FGF3: variants seen among roughly 807,000 people sequenced by gnomAD.
FGF3 encodes the protein fibroblast growth factor 3.
In FGF3, 7 loss-of-function variants were observed where a neutral mutation model predicts 9.8. That is an observed-to-expected ratio of 0.72 (90% CI 0.41 to 1.35). FGF3 has a LOEUF of 1.35. FGF3 is among the 40% of genes most tolerant of loss of function. The pLI, the probability that FGF3 is intolerant of heterozygous loss-of-function variation, is 0.01. For missense variants in FGF3, 390 were observed against 345.6 expected, an observed-to-expected ratio of 1.13 and a Z score of -1.02; for synonymous variants, 173 against 157.2, an observed-to-expected ratio of 1.10 and a Z score of -0.75.
At chr11:69,814,924 G>A (rs1270471880) in intron 2 of FGF3, among the ~76,000 whole-genome samples, 1 of 152,218 alleles carries the variant, frequency 6.6e-6, no homozygotes. Flanking sequence ...CTCCCCTATG[G>A]CAGAAGCTGG....
At position 69,819,124 on chromosome 11, in the gene FGF3, T is replaced by A; in HGVS notation, c.-191A>T. 2.4e-6 allele frequency: 1 copy of A among 418,656 alleles called. No individual in the cohort carries two copies. Among genetic ancestry groups the A allele is most frequent in the Non-Finnish European group, 4.2e-6 (1 of 239,174 alleles). The allele number at this position is 418,656 out of a possible 1,614,324, so 25.9% of individuals were successfully genotyped here. A position where few individuals can be genotyped will look rare whatever the true frequency, so the allele number is the denominator to read the frequency against. On this transcript the variant is annotated 5_prime_UTR_variant, in exon 1 of 3. Transcript: ENST00000334134. ...GCGAGAGAGAGAAAGAGAGGGAGAG[T>A]GGGAGAGGGAGAGGGAGAGAGGGAA...
rs1435900771 is a variant in FGF3, at chr11:69,818,701, G to T, written c.220+13C>A. 2.0e-6 allele frequency: 3 copies of T among 1,474,354 alleles called. No individual in the cohort carries two copies. The East Asian group carries it at 8.8e-5, about 43-fold the overall frequency. The allele number at this position is 1,474,354 out of a possible 1,614,324, so 91.3% of individuals were successfully genotyped here. A position where few individuals can be genotyped will look rare whatever the true frequency, so the allele number is the denominator to read the frequency against. On this transcript the variant is annotated intron_variant, in intron 1 of 2. Transcript: ENST00000334134. ...GCCGCTTCCCCCGGGGCCCCGCAGC[G>T]TCCGGCACTCACTGTAGGCGCTGTT...
intron 1 of FGF3, 57 bp downstream of exon 1, chr11:69,818,657 G>C (rs1856184380): frequency 6.8e-6 from 9 of 1,330,214 alleles, no homozygotes; most frequent in South Asian, 1.6e-5. Flanking sequence ...GCCTTCTCCC[G>C]GGCCCGACCC....
In FGF3 at chr11:69,818,723, T is replaced by C; in HGVS notation, c.211A>G (p.Ser71Gly). 6.7e-7 allele frequency: 1 copy of C among 1,487,774 alleles called. No individual in the cohort carries two copies. Among genetic ancestry groups the C allele is most frequent in the Admixed American group, 2.2e-5 (1 of 45,076 alleles). 92.2% of individuals were successfully genotyped at this position (1,487,774 alleles called of 1,614,324 possible). The change falls in exon 1 of 3, where the codon AGC becomes GGC. Residue 71 changes from serine to glycine, a missense_variant. By Grantham distance (56) the Ser-to-Gly change is moderately conservative. Transcript: ENST00000334134. ...AGCGTCCGGCACTCACTGTAGGCGCTGTTCTCCAGGCTGCCGTTGACGCGG... is the reference window on the plus strand; with the variant it reads ...AGCGTCCGGCACTCACTGTAGGCGCCGTTCTCCAGGCTGCCGTTGACGCGG... ...SGRVNGSLENSAYSILEITAV... is the reference protein window; with the variant it reads ...SGRVNGSLENGAYSILEITAV...
rs142178649 is a variant in FGF3, at chr11:69,814,086, G to A, written c.324+2234C>T. ...GGATGAGAGAAAGGAAAGAAGGAAGGAAGGAGAGGTGTATGGACAGATGGG... is the reference window on the plus strand; with the variant it reads ...GGATGAGAGAAAGGAAAGAAGGAAGAAAGGAGAGGTGTATGGACAGATGGG... On this transcript the variant is annotated intron_variant, in intron 2 of 2. Coordinates refer to ENST00000334134, the MANE Select transcript of FGF3 (RefSeq NM_005247.4). 3.2e-3 allele frequency among the ~76,000 whole-genome samples: 491 copies of A among 152,148 alleles called. 4 individuals carry two copies. The highest frequency in any genetic ancestry group is 6.8e-3 in the Middle Eastern group (2 of 294).
Position 69,813,694 on chromosome 11 carries a change from GGATGGATA to G in FGF3, c.324+2618_324+2625del, listed in dbSNP as rs1856067993. Reference sequence around the variant, plus strand: ...TGGCTGGATGGATGGATGGGTGGATGGATGGATAGGTGGATGGATGGATAGGTGGATGG... The same window carrying G: ...TGGCTGGATGGATGGATGGGTGGATGGGTGGATGGATGGATAGGTGGATGG... On this transcript the variant is annotated intron_variant, in intron 2 of 2. Transcript: ENST00000334134. Among the ~76,000 whole-genome samples the G allele has an allele frequency of 3.3e-3, 461 of 138,774 alleles. 1 individual carries two copies. Among genetic ancestry groups the G allele is most frequent in the East Asian group, 4.4e-3 (20 of 4,544 alleles). The allele number at this position is 138,774 out of a possible 152,430, so 91.0% of individuals were successfully genotyped here.
intron 2 of FGF3, among the ~76,000 whole-genome samples, chr11:69,813,589 TGGGTGGGTG>T (rs1856062395): frequency 9.8e-5 from 13 of 132,948 alleles, no homozygotes; most frequent in Non-Finnish European, 1.8e-4. Context: ...GATGGATAGA[TGGGTGGGTG>T]GATGGATGGA....
Position 69,810,714 on chromosome 11 carries a change from A to C in FGF3, c.325-14T>G. On this transcript the variant is annotated splice_polypyrimidine_tract_variant and intron_variant, in intron 2 of 2. Coordinates refer to ENST00000334134, the MANE Select transcript of FGF3 (RefSeq NM_005247.4). ...GCTGTAGTGCTCCTGCGGGGATGAGATATCATGGTCAGTGCCCCGGGGAGA... is the reference window on the plus strand; with the variant it reads ...GCTGTAGTGCTCCTGCGGGGATGAGCTATCATGGTCAGTGCCCCGGGGAGA... 1 of 1,566,654 alleles carries C rather than the reference A, an allele frequency of 6.4e-7. No homozygotes were observed. Among genetic ancestry groups the C allele is most frequent in the Non-Finnish European group, 8.7e-7 (1 of 1,152,858 alleles).
chr11:69,817,896 C>T (rs993350194), intron 1 of FGF3, among the ~76,000 whole-genome samples: 16 of 152,238 alleles, frequency 1.1e-4, no homozygotes, highest in African/African-American at 3.6e-4. Context: ...CCGTGTAGTC[C>T]GGCAGACTCC....
In FGF3 at chr11:69,816,407, C is replaced by T. The variant is rs376992420; in HGVS notation, c.237G>A (p.Thr79=). Residue 79 remains threonine (T), a synonymous_variant, in exon 2 of 3, where the codon ACG becomes ACA. Coordinates refer to ENST00000334134, the MANE Select transcript of FGF3 (RefSeq NM_005247.4). Reference sequence around the variant, plus strand: ...TGGCCACAATGCCCACCTCCACTGCCGTTATCTCCAAAATACCTAGAAGAA... The same window carrying T: ...TGGCCACAATGCCCACCTCCACTGCTGTTATCTCCAAAATACCTAGAAGAA... ...ENSAYSILEI[T]AVEVGIVAIR... 5.6e-6 allele frequency: 9 copies of T among 1,613,632 alleles called. No homozygotes were observed. Among genetic ancestry groups the T allele is most frequent in the African/African-American group, 2.7e-5 (2 of 74,890 alleles).
chr11:69,810,737 A>G (rs782193059), intron 2 of FGF3, 37 bp from the exon 3 acceptor site: 1 of 1,506,184 alleles, frequency 6.6e-7, no homozygotes, highest in South Asian at 1.3e-5. Context: ...TGCCCCGGGG[A>G]GACTGTGGCA....
chr11:69,816,265 T>C (rs1199752765), intron 2 of FGF3, 55 bp downstream of exon 2: 2 of 1,340,344 alleles, frequency 1.5e-6, no homozygotes, highest in Admixed American at 1.7e-5. Flanking sequence ...TGGCTTGATG[T>C]GCAGGCCAGA....
chr11:69,813,012 G>A (rs376943620), intron 2 of FGF3, among the ~76,000 whole-genome samples: 8 of 152,160 alleles, frequency 5.3e-5, no homozygotes, highest in Non-Finnish European at 7.4e-5. Flanking sequence ...AGACTCCAGA[G>A]CTACTGCAGT....
At chr11:69,813,344 G>A (rs1165007468) in intron 2 of FGF3, among the ~76,000 whole-genome samples, 1 of 152,184 alleles carries the variant, frequency 6.6e-6, no homozygotes, top group Non-Finnish European at 1.5e-5. Context: ...CCCCCTGGGA[G>A]CAGATGGCAC....
In FGF3 at chr11:69,816,400, C is replaced by T. The variant is rs1856133969; in HGVS notation, c.244G>A (p.Glu82Lys). Residue 82 changes from glutamate to lysine, a missense_variant, in exon 2 of 3, where the codon GAG (glutamate) becomes AAG (lysine). By Grantham distance (56) the Glu-to-Lys change is moderately conservative. Transcript: ENST00000334134. Reference sequence around the variant, plus strand: ...CCCCTGATGGCCACAATGCCCACCTCCACTGCCGTTATCTCCAAAATACCT... The same window carrying T: ...CCCCTGATGGCCACAATGCCCACCTTCACTGCCGTTATCTCCAAAATACCT... Reference protein sequence around the residue: ...AYSILEITAVEVGIVAIRGLF... With the variant: ...AYSILEITAVKVGIVAIRGLF... 2 of 1,613,834 alleles carry T rather than the reference C, an allele frequency of 1.2e-6. No individual in the cohort carries two copies. Among genetic ancestry groups the T allele is most frequent in the East Asian group, 2.2e-5 (1 of 44,878 alleles).
In FGF3 at chr11:69,810,336, A is replaced by C. The variant is rs1554980292; in HGVS notation, c.689T>G (p.Leu230Arg). ...LEPSHVQASRLGSQLEASAH is the reference protein window; with the variant it reads ...LEPSHVQASRRGSQLEASAH ...CGCACTGGCCTCCAGCTGGGAGCCC[A>C]GTCTCGAAGCCTGAACGTGAGAGGG... The change falls in exon 3 of 3, where the codon CTG (leucine) becomes CGG (arginine). Residue 230 changes from leucine (L) to arginine (R), a missense_variant. Transcript: ENST00000334134. 2 of 1,568,720 alleles carry C rather than the reference A, an allele frequency of 1.3e-6. No homozygotes were observed. The highest frequency in any genetic ancestry group is 1.2e-5 in the South Asian group (1 of 86,622).
chr11:69,818,426 G>A (rs925689280), intron 1 of FGF3, among the ~76,000 whole-genome samples: 1 of 152,088 alleles, frequency 6.6e-6, no homozygotes, highest in African/African-American at 2.4e-5. Flanking sequence ...TCTGACAGCC[G>A]CCGGCGCCCT....
chr11:69,810,514 G>A lies in FGF3; in HGVS notation c.511C>T (p.Arg171Cys), dbSNP rs1262110871. The change falls in exon 3 of 3, where the codon CGC becomes TGC. Residue 171 changes from arginine to cysteine, a missense_variant. Arg to Cys is a radical substitution (Grantham distance 180). Transcript: ENST00000334134. ...GRPRRGFKTR[R>C]TQKSSLFLPR... ...AGGAACAGGGAGGACTTCTGTGTGC[G>A]GCGGGTCTTGAAGCCCCTGCGGGGC... The A allele has an allele frequency of 4.3e-6, 7 of 1,609,710 alleles. No homozygotes were observed. The highest frequency in any genetic ancestry group is 5.9e-6 in the Non-Finnish European group (7 of 1,178,200).
rs186543969 is a variant in FGF3, at chr11:69,816,819, C to G, written c.221-396G>C. On this transcript the variant is annotated intron_variant, in intron 1 of 2. Coordinates refer to ENST00000334134, the MANE Select transcript of FGF3 (RefSeq NM_005247.4). ...ACATGTGCTTGAGCGGGAAATCAAG[C>G]CCTGGCGGCAGCCATGGGAGTCTGA... 3.2e-3 allele frequency among the ~76,000 whole-genome samples: 487 copies of G among 152,324 alleles called. 1 individual carries two copies. The highest frequency in any genetic ancestry group is 0.011 in the African/African-American group (464 of 41,586).
Sources: allele counts gnomAD v4.1 joint callset (sites outside exome capture counted in the v4.1 genomes callset), GRCh38; gene constraint gnomAD v4.1.1; transcripts MANE v1.5; gene names NCBI Gene and HGNC (gene_info 2026-07-23, HGNC 2026-07-21).